Variants in SLC49A4 observed in about 807,000 individuals in gnomAD.
SLC49A4 encodes disrupted in renal cancer protein 2.
SLC49A4 carries 36 observed loss-of-function variants against 50.6 expected under a neutral mutation model. That is an observed-to-expected ratio of 0.71 (90% CI 0.55 to 0.94). SLC49A4 has a LOEUF of 0.94. Ranked by LOEUF, SLC49A4 falls within the 40% of genes least tolerant of loss-of-function variation. The pLI, the probability that SLC49A4 is intolerant of heterozygous loss-of-function variation, is 0.00. For synonymous variants in SLC49A4, 248 were observed against 241.2 expected (o/e 1.03, Z -0.26); for missense variants, 503 against 605.7 (o/e 0.83, Z 1.78).
At position 122,845,871 on chromosome 3, in the gene SLC49A4, A is replaced by T; in HGVS notation, c.942A>T (p.Gln314His). 2 of 1,595,834 alleles carry T rather than the reference A, an allele frequency of 1.3e-6. No individual in the cohort carries two copies. Among genetic ancestry groups the T allele is most frequent in the Non-Finnish European group, 1.7e-6 (2 of 1,168,786 alleles). Residue 314 changes from glutamine to histidine, a missense_variant and splice_region_variant, in exon 5 of 9, where the codon CAA (glutamine) becomes CAT (histidine). Gln to His is a conservative substitution (Grantham distance 24). Transcript: ENST00000261038. ...TTTTAACACCAGCGCATGTCAGCCA[A>T]GTAAGTATTTTATTTCTTTATATGT... The part of the protein sequence containing the change: ...DLILTPAHVS[Q>H]VDAGWIGFWS...
intron 7 of SLC49A4, among the ~76,000 whole-genome samples, chr3:122,863,897 T>TC (rs1287768409): frequency 6.6e-6 from 1 of 152,156 alleles, no homozygotes; most frequent in Non-Finnish European, 1.5e-5. Context: ...TAAAACTTTG[T>TC]CTTTTTTTTT....
intron 4 of SLC49A4, among the ~76,000 whole-genome samples, chr3:122,838,785 A>G (rs1447992270): frequency 2.0e-5 from 3 of 152,142 alleles, no homozygotes; most frequent in East Asian, 3.8e-4. Context: ...GATTGGAAGA[A>G]TCAATATTGT....
In SLC49A4 at chr3:122,845,871, A is replaced by G; in HGVS notation, c.942A>G (p.Gln314=). Residue 314 remains glutamine, a splice_region_variant and synonymous_variant, in exon 5 of 9, where the codon CAA becomes CAG. Transcript: ENST00000261038. ...TTTTAACACCAGCGCATGTCAGCCA[A>G]GTAAGTATTTTATTTCTTTATATGT... ...DLILTPAHVS[Q]VDAGWIGFWS... The G allele has an allele frequency of 6.3e-7, 1 of 1,595,834 alleles. No homozygotes were observed. The highest frequency in any genetic ancestry group is 8.6e-7 in the Non-Finnish European group (1 of 1,168,786).
chr3:122,839,680 A>C lies in SLC49A4; in HGVS notation c.834-6083A>C, dbSNP rs558632493. 2.6e-5 allele frequency among the ~76,000 whole-genome samples: 4 copies of C among 152,308 alleles called. No homozygotes were observed. In the South Asian group the frequency reaches 8.3e-4, roughly 32 times the overall value. On this transcript the variant is annotated intron_variant, in intron 4 of 8. Transcript: ENST00000261038. ...CATCAGGGAAATGCACATTAAAACC[A>C]CAATTAGATACCACCTTACCCCTGC...
chr3:122,843,533 A>G (rs933973213), intron 4 of SLC49A4, among the ~76,000 whole-genome samples: 3 of 152,252 alleles, frequency 2.0e-5, no homozygotes, highest in Non-Finnish European at 4.4e-5. Flanking sequence ...TAAATTTTCA[A>G]TTATCTCATA....
Position 122,827,065 on chromosome 3 carries a change from G to A in SLC49A4, c.703G>A (p.Glu235Lys). ...TCGCATAGAGGCTGTGTTATATGCA[G>A]GTAATTTGAAGTTTATTTTCTTCTT... ...KDRIEAVLYAEFGVVCLIFSA... is the reference protein window; with the variant it reads ...KDRIEAVLYAKFGVVCLIFSA... The change falls in exon 3 of 9, where the codon GAA becomes AAA. Residue 235 changes from glutamate to lysine, a missense_variant and splice_region_variant. Coordinates refer to ENST00000261038, the MANE Select transcript of SLC49A4 (RefSeq NM_032839.3). The A allele has an allele frequency of 1.3e-6, 2 of 1,595,056 alleles. No homozygotes were observed. Among genetic ancestry groups the A allele is most frequent in the Non-Finnish European group, 1.7e-6 (2 of 1,165,758 alleles).
intron 4 of SLC49A4, among the ~76,000 whole-genome samples, chr3:122,840,266 C>T (rs1936753357): frequency 6.6e-6 from 1 of 152,138 alleles, no homozygotes; most frequent in Non-Finnish European, 1.5e-5. Context: ...GGGTAACAAA[C>T]TCCATATTGG....
intron 1 of SLC49A4, among the ~76,000 whole-genome samples, chr3:122,805,988 CTG>C (rs1178753398): frequency 6.6e-6 from 1 of 152,052 alleles, no homozygotes; most frequent in African/African-American, 2.4e-5. Flanking sequence ...AAAATAAAGA[CTG>C]TGATTATATT....
At chr3:122,838,815 A>G (rs935029868) in intron 4 of SLC49A4, among the ~76,000 whole-genome samples, 3 of 152,180 alleles carry the variant, frequency 2.0e-5, no homozygotes, top group Non-Finnish European at 2.9e-5. Flanking sequence ...CATACTGCCC[A>G]AAGCAATCTA....
At chr3:122,872,632 G>T in intron 8 of SLC49A4, 35 bp downstream of exon 8, 1 of 1,482,308 alleles carries the variant, frequency 6.7e-7, no homozygotes, top group South Asian at 1.3e-5. Flanking sequence ...CTATCTAAAT[G>T]TGTTACAAGA....
At chr3:122,851,374 G>A (rs574972847) in intron 5 of SLC49A4, among the ~76,000 whole-genome samples, 15 of 151,856 alleles carry the variant, frequency 9.9e-5, no homozygotes, top group Non-Finnish European at 1.9e-4. Flanking sequence ...TGTTGTTTTG[G>A]TCTAAAAATG....
chr3:122,843,687 C>G (rs1936809192), intron 4 of SLC49A4, among the ~76,000 whole-genome samples: 1 of 152,142 alleles, frequency 6.6e-6, no homozygotes, highest in South Asian at 2.1e-4. Context: ...ACTTTTATTC[C>G]CAACATCTGG....
chr3:122,814,224 C>G (rs750156931), intron 2 of SLC49A4, among the ~76,000 whole-genome samples: 1 of 152,082 alleles, frequency 6.6e-6, no homozygotes, highest in African/African-American at 2.4e-5. Context: ...GCCGAGATTG[C>G]GCCACTGCAC....
At chr3:122,820,999 G>A (rs1352684494) in intron 2 of SLC49A4, among the ~76,000 whole-genome samples, 2 of 152,188 alleles carry the variant, frequency 1.3e-5, no homozygotes, top group African/African-American at 4.8e-5. Flanking sequence ...ATTGAATCGG[G>A]GGTGGTTACC....
intron 7 of SLC49A4, among the ~76,000 whole-genome samples, chr3:122,861,219 T>A (rs1937055138): frequency 6.6e-6 from 1 of 152,156 alleles, no homozygotes; most frequent in African/African-American, 2.4e-5. Context: ...CCCCTTTGTC[T>A]TGTGAAATAA....
At chr3:122,813,496 G>A (rs1418364207) in intron 2 of SLC49A4, among the ~76,000 whole-genome samples, 1 of 152,026 alleles carries the variant, frequency 6.6e-6, no homozygotes, top group Non-Finnish European at 1.5e-5. Context: ...AGTCTCCTGC[G>A]TGCCCCTTCC....
intron 2 of SLC49A4, among the ~76,000 whole-genome samples, chr3:122,810,342 G>A (rs1936281196): frequency 6.6e-6 from 1 of 152,004 alleles, no homozygotes; most frequent in South Asian, 2.1e-4. Flanking sequence ...TAAGGAACTT[G>A]GTATAACAAA....
At chr3:122,822,298 A>G (rs1356905033) in intron 2 of SLC49A4, among the ~76,000 whole-genome samples, 1 of 152,196 alleles carries the variant, frequency 6.6e-6, no homozygotes, top group Non-Finnish European at 1.5e-5. Context: ...AGTGCTTAGA[A>G]AGCATTAGGA....
rs548829429 is a variant in SLC49A4, at chr3:122,845,590, T to C, written c.834-173T>C. ...CAGTATATATGCGTTTCCTTTTCTC[T>C]GCTACCTTTCCAGCACGTTTTTTTT... On this transcript the variant is annotated intron_variant, in intron 4 of 8. Transcript: ENST00000261038. 9.3e-5 allele frequency among the ~76,000 whole-genome samples: 14 copies of C among 150,270 alleles called. No homozygotes were observed. The East Asian group carries it at 2.8e-3, about 30-fold the overall frequency.
Sources: allele counts gnomAD v4.1 joint callset (sites outside exome capture counted in the v4.1 genomes callset), GRCh38; gene constraint gnomAD v4.1.1; transcripts MANE v1.5; gene names NCBI Gene and HGNC (gene_info 2026-07-23, HGNC 2026-07-21).